Variants in GMDS observed in about 807,000 individuals in gnomAD.
GMDS encodes GDP-mannose 4,6-dehydratase, also known as GDP-mannose 4,6 dehydratase.
GMDS carries 20 observed loss-of-function variants against 49.9 expected under a neutral mutation model. The ratio of observed to expected loss-of-function variants is 0.40; its 90% CI spans 0.28 to 0.58. The LOEUF (loss-of-function observed/expected upper bound fraction) is 0.58, where lower values mean the gene tolerates loss of function less well. Ranked by LOEUF, GMDS falls within the 20% of genes least tolerant of loss-of-function variation. The pLI is 0.42. For missense variants in GMDS, 362 were observed against 481.4 expected (o/e 0.75, Z 2.32); for synonymous variants, 177 against 178.6 (o/e 0.99, Z 0.07).
chr6:2,148,374 T>C (rs1279638895), intron 1 of GMDS, among the ~76,000 whole-genome samples: 1 of 152,202 alleles, frequency 6.6e-6, no homozygotes, highest in Non-Finnish European at 1.5e-5. Flanking sequence ...AAGCATTCTC[T>C]GATCTCTGAG....
intron 4 of GMDS, among the ~76,000 whole-genome samples, chr6:2,026,573 T>C (rs886299728): frequency 6.6e-6 from 1 of 152,244 alleles, no homozygotes; most frequent in Admixed American, 6.5e-5. Flanking sequence ...AAACTTGTTG[T>C]GAATCTCAGT....
intron 7 of GMDS, among the ~76,000 whole-genome samples, chr6:1,747,503 C>T (rs1252038619): frequency 6.7e-6 from 1 of 149,910 alleles, no homozygotes; most frequent in African/African-American, 2.5e-5. Flanking sequence ...CACACACACA[C>T]ACACACTTAT....
chr6:1,718,671 G>A (rs1037819466), intron 9 of GMDS, among the ~76,000 whole-genome samples: 2 of 151,804 alleles, frequency 1.3e-5, no homozygotes, highest in African/African-American at 4.8e-5. Context: ...AAATTTCTTG[G>A]TGTTAGACTG....
chr6:2,035,513 T>G (rs1459957555), intron 4 of GMDS, among the ~76,000 whole-genome samples: 1 of 152,102 alleles, frequency 6.6e-6, no homozygotes, highest in Non-Finnish European at 1.5e-5. Context: ...TATTTCTCTG[T>G]CTTATCATTC....
intron 4 of GMDS, among the ~76,000 whole-genome samples, chr6:2,002,008 G>T (rs1226386527): frequency 3.3e-5 from 5 of 152,028 alleles, no homozygotes; most frequent in Non-Finnish European, 7.4e-5. Context: ...TCATCAATTT[G>T]CTGGCTGAAT....
chr6:1,932,244 A>G (rs1241621115), intron 6 of GMDS, among the ~76,000 whole-genome samples: 1 of 152,140 alleles, frequency 6.6e-6, no homozygotes, highest in Non-Finnish European at 1.5e-5. Context: ...GGCACCTCCA[A>G]TGAGGGCTAT....
At chr6:1,972,597 A>G (rs554766536) in intron 4 of GMDS, among the ~76,000 whole-genome samples, 1 of 152,364 alleles carries the variant, frequency 6.6e-6, no homozygotes, top group Non-Finnish European at 1.5e-5. Context: ...TGGATTAAAA[A>G]ATTTTAAAAT....
At chr6:1,678,220 G>A (rs906647311) in intron 9 of GMDS, among the ~76,000 whole-genome samples, 3 of 152,100 alleles carry the variant, frequency 2.0e-5, no homozygotes, top group African/African-American at 7.2e-5. Flanking sequence ...CTGGCAGGAG[G>A]AGGAGAAAAG....
chr6:2,052,517 A>C (rs1446778594), intron 4 of GMDS, among the ~76,000 whole-genome samples: 1 of 152,204 alleles, frequency 6.6e-6, no homozygotes, highest in Non-Finnish European at 1.5e-5. Flanking sequence ...CTTTCATGGA[A>C]CTGAAATATC....
chr6:2,101,228 AAC>A (rs1773906426), intron 4 of GMDS, among the ~76,000 whole-genome samples: 1 of 151,906 alleles, frequency 6.6e-6, no homozygotes, highest in Non-Finnish European at 1.5e-5. Flanking sequence ...TTGTAGTTAA[AAC>A]ACATCTTTTC....
intron 7 of GMDS, among the ~76,000 whole-genome samples, chr6:1,827,505 G>A (rs1050718758): frequency 1.3e-5 from 2 of 151,594 alleles, no homozygotes; most frequent in African/African-American, 2.4e-5. Flanking sequence ...ATATACACAC[G>A]TTTTGGAAAA....
At chr6:1,863,512 C>T (rs184084826) in intron 7 of GMDS, among the ~76,000 whole-genome samples, 25 of 151,930 alleles carry the variant, frequency 1.6e-4, no homozygotes, top group Admixed American at 1.5e-3. Context: ...GTGTGTGTTC[C>T]AATATAAGTG....
intron 1 of GMDS, among the ~76,000 whole-genome samples, chr6:2,199,147 G>T (rs531203657): frequency 6.6e-6 from 1 of 152,072 alleles, no homozygotes; most frequent in African/African-American, 2.4e-5. Flanking sequence ...GGACATAATG[G>T]TATAAATATT....
intron 9 of GMDS, among the ~76,000 whole-genome samples, chr6:1,711,892 CA>C (rs1015085302): frequency 1.3e-5 from 2 of 152,332 alleles, no homozygotes; most frequent in African/African-American, 4.8e-5. Flanking sequence ...GAGCACCAGC[CA>C]AACGGTGGCT....
intron 9 of GMDS, among the ~76,000 whole-genome samples, chr6:1,706,837 A>G (rs1765757501): frequency 6.6e-6 from 1 of 152,050 alleles, no homozygotes; most frequent in South Asian, 2.1e-4. Flanking sequence ...ACTTTAATGG[A>G]TTTGCTGCAT....
intron 4 of GMDS, among the ~76,000 whole-genome samples, chr6:2,094,249 G>A (rs1177367034): frequency 6.6e-6 from 1 of 152,190 alleles, no homozygotes; most frequent in East Asian, 1.9e-4. Flanking sequence ...ATTAGACACT[G>A]TATAACAGAC....
At chr6:2,224,480 C>T (rs78533164) in intron 1 of GMDS, among the ~76,000 whole-genome samples, 1,994 of 152,262 alleles carry the variant, frequency 0.013, 54 homozygotes, top group African/African-American at 0.045. Flanking sequence ...AATTGCTTCC[C>T]AAATAAAGAT....
chr6:2,216,937 T>C (rs1780365773), intron 1 of GMDS, among the ~76,000 whole-genome samples: 1 of 152,034 alleles, frequency 6.6e-6, no homozygotes. Context: ...GGGAGCTCAG[T>C]GGTTCCTACT....
At chr6:2,176,340 G>A (rs1778284215) in intron 1 of GMDS, among the ~76,000 whole-genome samples, 3 of 152,084 alleles carry the variant, frequency 2.0e-5, no homozygotes, top group African/African-American at 7.2e-5. Context: ...TGCAGCAATG[G>A]TTAAAAACAG....
Sources: gnomAD v4.1 joint callset for allele counts (sites outside exome capture counted in the v4.1 genomes callset) on GRCh38, gnomAD v4.1.1 for gene constraint, MANE v1.5 for transcripts, NCBI Gene and HGNC (gene_info 2026-07-23, HGNC 2026-07-21) for gene names.